ATR: variants seen among roughly 807,000 people sequenced by gnomAD.
ATR encodes the protein serine/threonine-protein kinase ATR.
Under a neutral mutation model 305.3 loss-of-function variants are expected in ATR, and 142 were observed. The ratio of observed to expected loss-of-function variants is 0.47; its 90% CI spans 0.41 to 0.53. The LOEUF is 0.53. Among genes scored for constraint, ATR ranks in the 20% least tolerant of loss-of-function variants. ATR has a pLI of 0.00. For missense variants in ATR, 2,135 were observed against 3,133.1 expected (o/e 0.68, Z 7.60); for synonymous variants, 1,050 against 1,068.1 (o/e 0.98, Z 0.33).
In ATR at chr3:142,504,665, T is replaced by C. The variant is rs185710408; in HGVS notation, c.5196+474A>G. Among the ~76,000 whole-genome samples the C allele has an allele frequency of 4.0e-3, 611 of 152,200 alleles. 4 individuals are homozygous for C. Among genetic ancestry groups the C allele is most frequent in the African/African-American group, 0.014 (564 of 41,550 alleles). On this transcript the variant is annotated intron_variant, in intron 29 of 46. Transcript: ENST00000350721. ...TTTTGGTAGAGACAGGGTTTCACTATGTTGGCCAGGCTAGTCTCGAACTCC... is the reference window on the plus strand; with the variant it reads ...TTTTGGTAGAGACAGGGTTTCACTACGTTGGCCAGGCTAGTCTCGAACTCC...
Position 142,469,558 on chromosome 3 carries a change from C to T in ATR, c.6331G>A (p.Asp2111Asn), listed in dbSNP as rs2108279714. Residue 2111 changes from aspartate (D) to asparagine (N), a missense_variant, in exon 38 of 47, where the codon GAT (aspartate) becomes AAT (asparagine). By Grantham distance (23) the Asp-to-Asn change is conservative (BLOSUM62 1). This residue lies in a region of ATR where 462 missense variants were observed against 887.6 expected (regional missense o/e 0.52). Transcript: ENST00000350721. ...AAATCATTCCTCATTTGTACACGAT[C>T]GGAGCGGCCAGCTGGGGGAAGAAAT... The part of the protein sequence containing the change: ...AYEWEKAGRS[D>N]RVQMRNDLGK... 2.5e-6 allele frequency: 4 copies of T among 1,612,636 alleles called. No homozygotes were observed. The highest frequency in any genetic ancestry group is 2.5e-6 in the Non-Finnish European group (3 of 1,178,816).
chr3:142,560,564 A>T lies in ATR; in HGVS notation c.1350-110T>A, dbSNP rs182491585. ...TATGTAATATCAACTATTCAAAAAA[A>T]TTTTTTTTTTTTGTGAGACAGAGTC... On this transcript the variant is annotated intron_variant, in intron 5 of 46. Coordinates refer to ENST00000350721, the MANE Select transcript of ATR (RefSeq NM_001184.4). 0.015 allele frequency: 13,126 copies of T among 875,042 alleles called. 77 individuals carry two copies. The highest frequency in any genetic ancestry group is 0.041 in the East Asian group (1,198 of 29,386). The allele number at this position is 875,042 out of a possible 1,614,324, so 54.2% of individuals were successfully genotyped here.
chr3:142,487,020 T>A (rs1203542717), intron 35 of ATR, among the ~76,000 whole-genome samples: 1 of 148,204 alleles, frequency 6.7e-6, no homozygotes. Context: ...TAGTCCCAGC[T>A]ACTCGGGAGG....
intron 36 of ATR, 83 bp from the exon 37 acceptor site, chr3:142,470,266 C>A (rs745648858): frequency 6.8e-6 from 8 of 1,178,896 alleles, no homozygotes; most frequent in Non-Finnish European, 9.7e-6. Flanking sequence ...ATTCAAACTA[C>A]CACATACCGT....
chr3:142,528,873 A>ATTTTTTT (rs1559966998), intron 21 of ATR, among the ~76,000 whole-genome samples: 15 of 48,614 alleles, frequency 3.1e-4, no homozygotes, highest in African/African-American at 9.8e-4. Flanking sequence ...ATATATATAT[A>ATTTTTTT]TATATATTTT....
intron 27 of ATR, among the ~76,000 whole-genome samples, chr3:142,508,480 T>A (rs961921380): frequency 1.3e-5 from 2 of 152,210 alleles, no homozygotes; most frequent in Non-Finnish European, 2.9e-5. Flanking sequence ...AGTCATTATT[T>A]TTGATGACTA....
Position 142,465,214 on chromosome 3 carries a change from T to C in ATR, c.6924A>G (p.Lys2308=), listed in dbSNP as rs1399530759. 1 of 1,611,374 alleles carries C rather than the reference T, an allele frequency of 6.2e-7. No homozygotes were observed. Among genetic ancestry groups the C allele is most frequent in the Non-Finnish European group, 8.5e-7 (1 of 1,178,454 alleles). ...DMVEILASLQ[K]PKKISLKGSD... ...AGCCTTTTAAAGAAATCTTCTTTGG[T>C]TTCTGAAGAGAAGCAAGAATTTCCA... Residue 2308 remains lysine, a synonymous_variant, in exon 41 of 47, where the codon AAA becomes AAG. Coordinates refer to ENST00000350721, the MANE Select transcript of ATR (RefSeq NM_001184.4).
intron 21 of ATR, among the ~76,000 whole-genome samples, chr3:142,530,311 CT>C (rs1163799830): frequency 1.3e-5 from 2 of 151,962 alleles, no homozygotes; most frequent in African/African-American, 4.8e-5. Flanking sequence ...TTTCATGCAA[CT>C]TTTTTTATAT....
chr3:142,553,702 G>T lies in ATR; in HGVS notation c.2571C>A (p.Ala857=), dbSNP rs1404779267. 6.2e-7 allele frequency: 1 copy of T among 1,612,590 alleles called. No individual in the cohort carries two copies. Among genetic ancestry groups the T allele is most frequent in the African/African-American group, 1.3e-5 (1 of 74,812 alleles). The change falls in exon 12 of 47, where the codon GCC becomes GCA. Residue 857 remains alanine (A), a synonymous_variant. Coordinates refer to ENST00000350721, the MANE Select transcript of ATR (RefSeq NM_001184.4). The part of the protein sequence containing the change: ...VLRMKEAYTH[A]QISRNNELKD... ...TCAGCTCATTATTTCTTGATATTTGGGCATGTGTATATGCTTCCTTCATTC... is the reference window on the plus strand; with the variant it reads ...TCAGCTCATTATTTCTTGATATTTGTGCATGTGTATATGCTTCCTTCATTC...
chr3:142,543,834 T>C (rs2034158386), intron 16 of ATR, among the ~76,000 whole-genome samples: 1 of 151,930 alleles, frequency 6.6e-6, no homozygotes, highest in Admixed American at 6.6e-5. Context: ...CTCGCCCAGC[T>C]AATTTTTTGT....
chr3:142,457,807 C>G (rs771037299), intron 44 of ATR, 52 bp from the exon 45 acceptor site: 20 of 1,593,034 alleles, frequency 1.3e-5, no homozygotes, highest in Non-Finnish European at 1.5e-5. Flanking sequence ...ATTTAAAAAT[C>G]TTTACTCAAA....
At chr3:142,559,579 A>C in intron 6 of ATR, 138 bp from the exon 7 acceptor site, 1 of 816,518 alleles carries the variant, frequency 1.2e-6, no homozygotes, top group Non-Finnish European at 2.0e-6. Context: ...CATGCAAATC[A>C]AGTAATATGT....
intron 30 of ATR, among the ~76,000 whole-genome samples, chr3:142,501,631 A>C (rs1373133057): frequency 6.6e-6 from 1 of 152,240 alleles, no homozygotes; most frequent in Non-Finnish European, 1.5e-5. Context: ...TTCTCAAAAG[A>C]AGACATACAA....
rs555934553 is a variant in ATR at position 142,452,962 on chromosome 3, A to T, written c.7761+166T>A. On this transcript the variant is annotated intron_variant, in intron 46 of 46. Transcript: ENST00000350721. ...GTTAACATTACTGACAATAAAGAAAACTTATGGCATTGTGATACTAGAGAA... is the reference window on the plus strand; with the variant it reads ...GTTAACATTACTGACAATAAAGAAATCTTATGGCATTGTGATACTAGAGAA... 15 of 1,485,392 alleles carry T rather than the reference A, an allele frequency of 1.0e-5. No individual in the cohort carries two copies. In the African/African-American group the frequency reaches 1.5e-4, roughly 15 times the overall value. 92.0% of individuals were successfully genotyped at this position (1,485,392 alleles called of 1,614,324 possible).
intron 23 of ATR, among the ~76,000 whole-genome samples, 180 bp downstream of exon 23, chr3:142,522,548 T>C (rs2033191571): frequency 6.6e-6 from 1 of 152,114 alleles, no homozygotes; most frequent in Non-Finnish European, 1.5e-5. Context: ...TGAAAGTAAC[T>C]ATACCTATAA....
intron 1 of ATR, 128 bp downstream of exon 1, chr3:142,578,518 C>A (rs1450737873): frequency 3.5e-6 from 4 of 1,130,222 alleles, no homozygotes; most frequent in Non-Finnish European, 5.0e-6. Context: ...CACGGAGCAT[C>A]TCCACAAGGG....
At chr3:142,570,886 G>A (rs1333765166) in intron 1 of ATR, among the ~76,000 whole-genome samples, 1 of 152,210 alleles carries the variant, frequency 6.6e-6, no homozygotes, top group East Asian at 1.9e-4. Flanking sequence ...GAGAAGTAGA[G>A]TTGGTGATAA....
In ATR at chr3:142,458,010, G is replaced by C. The variant is rs967058436; in HGVS notation, c.7504-255C>G. ...CTTACCTTTCACTGAGTTTAGTACAGTGAATAAGCAGTATTACAGAGAAAT... is the reference window on the plus strand; with the variant it reads ...CTTACCTTTCACTGAGTTTAGTACACTGAATAAGCAGTATTACAGAGAAAT... On this transcript the variant is annotated intron_variant, in intron 44 of 46. Transcript: ENST00000350721. 3.3e-5 allele frequency among the ~76,000 whole-genome samples: 5 copies of C among 152,176 alleles called. No individual in the cohort carries two copies. The East Asian group carries it at 9.6e-4, about 29-fold the overall frequency.
intron 3 of ATR, among the ~76,000 whole-genome samples, chr3:142,563,522 G>A (rs1158954219): frequency 5.3e-5 from 8 of 152,154 alleles, no homozygotes; most frequent in Non-Finnish European, 1.5e-5. Flanking sequence ...GAACCACACC[G>A]ATATAAGGTG....
Sources: allele counts gnomAD v4.1 joint callset (sites outside exome capture counted in the v4.1 genomes callset), GRCh38; gene constraint gnomAD v4.1.1; regional missense constraint gnomAD v4.1.1; transcripts MANE v1.5; gene names NCBI Gene and HGNC (gene_info 2026-07-23, HGNC 2026-07-21).